PDE6B: variants seen among roughly 807,000 people sequenced by gnomAD.
The protein encoded by PDE6B is phosphodiesterase 6B.
PDE6B carries 106 observed loss-of-function variants against 109.0 expected under a neutral mutation model. The observed-to-expected ratio is 0.97, with a 90% confidence interval of 0.83 to 1.14. PDE6B has a LOEUF of 1.14. PDE6B is among the 50% of genes most tolerant of loss of function. PDE6B has a pLI of 0.00. For missense variants in PDE6B, 1,193 were observed against 1,155.6 expected (o/e 1.03, Z -0.47); for synonymous variants, 490 against 471.3 (o/e 1.04, Z -0.51).
chr4:629,334 C>T (rs1426492218), intron 1 of PDE6B, among the ~76,000 whole-genome samples: 1 of 152,240 alleles, frequency 6.6e-6, no homozygotes, highest in Non-Finnish European at 1.5e-5. Context: ...CAAGAGTTCA[C>T]AGCGAGGGCA....
At position 625,656 on chromosome 4, in the gene PDE6B, C is replaced by T. The variant is rs759139144; in HGVS notation, c.30C>T (p.Ser10=). 1 of 1,613,866 alleles carries T rather than the reference C, an allele frequency of 6.2e-7. No homozygotes were observed. Among genetic ancestry groups the T allele is most frequent in the South Asian group, 1.1e-5 (1 of 91,084 alleles). MSLSEEQAR[S]FLDQNPDFAR... is the part of the protein sequence containing the mutation. ...GCCTCAGTGAGGAGCAGGCCCGGAGCTTTCTGGACCAGAACCCCGATTTTG... is the reference window on the plus strand; with the variant it reads ...GCCTCAGTGAGGAGCAGGCCCGGAGTTTTCTGGACCAGAACCCCGATTTTG... Residue 10 remains serine, a synonymous_variant, in exon 1 of 22, where the codon AGC becomes AGT. Coordinates refer to ENST00000496514, the MANE Select transcript of PDE6B (RefSeq NM_000283.4). The surrounding 1 kb of genome is among the most constrained non-coding windows in gnomAD (Gnocchi z 5.0).
At chr4:635,281 C>A (rs1167181354) in intron 2 of PDE6B, among the ~76,000 whole-genome samples, 1 of 142,056 alleles carries the variant, frequency 7.0e-6, no homozygotes, top group Non-Finnish European at 1.5e-5. Context: ...GCGCGTCTGC[C>A]TCCCTGCCTG....
chr4:668,416 C>T (rs1217410858), intron 21 of PDE6B, among the ~76,000 whole-genome samples: 1 of 151,346 alleles, frequency 6.6e-6, no homozygotes, highest in African/African-American at 2.4e-5. Flanking sequence ...CTCCCAGTAT[C>T]CCATGCTATT....
chr4:646,485 A>T (rs902475493), intron 3 of PDE6B, among the ~76,000 whole-genome samples: 1 of 151,956 alleles, frequency 6.6e-6, no homozygotes, highest in African/African-American at 2.4e-5. Context: ...TGAGCATCCT[A>T]GACGCGCGGT....
chr4:662,371 C>A lies in PDE6B; in HGVS notation c.1722+130C>A. Reference sequence around the variant, plus strand: ...GATGGAGGAGGGCAACGCCCTCTGACACCGTGCACCGCGCACCCCAGCCCT... The same window carrying A: ...GATGGAGGAGGGCAACGCCCTCTGAAACCGTGCACCGCGCACCCCAGCCCT... On this transcript the variant is annotated intron_variant, in intron 13 of 21. Coordinates refer to ENST00000496514, the MANE Select transcript of PDE6B (RefSeq NM_000283.4). This position sits in a 1 kb window ranked among gnomAD's most constrained non-coding sequence, Gnocchi z 4.3. 1.2e-6 allele frequency: 1 copy of A among 813,752 alleles called. No individual in the cohort carries two copies. The highest frequency in any genetic ancestry group is 2.1e-6 in the Non-Finnish European group (1 of 475,988). The allele number at this position is 813,752 out of a possible 1,614,324, so 50.4% of individuals were successfully genotyped here. A position where few individuals can be genotyped will look rare whatever the true frequency, so the allele number is the denominator to read the frequency against.
In PDE6B at chr4:670,374, C is replaced by T. The variant is rs1309892593; in HGVS notation, c.*267C>T. ...TCTCGTGCCTCAGCCTCCTGAGTAG[C>T]TGGGACTACAGGCGCCCACCACCAC... is the stretch of plus-strand genomic sequence containing the variant. On this transcript the variant is annotated 3_prime_UTR_variant, in exon 22 of 22. Coordinates refer to ENST00000496514, the MANE Select transcript of PDE6B (RefSeq NM_000283.4). 1 of 405,666 alleles carries T rather than the reference C, an allele frequency of 2.5e-6. No homozygotes were observed. Among genetic ancestry groups the T allele is most frequent in the African/African-American group, 2.1e-5 (1 of 48,332 alleles). 25.1% of individuals were successfully genotyped at this position (405,666 alleles called of 1,614,324 possible).
chr4:667,038 G>A (rs1346402505), intron 20 of PDE6B, among the ~76,000 whole-genome samples: 1 of 152,202 alleles, frequency 6.6e-6, no homozygotes, highest in East Asian at 1.9e-4. Flanking sequence ...TGGTGCACCC[G>A]CCCACAGGGG....
In PDE6B at chr4:662,690, G is replaced by C. The variant is rs534415149; in HGVS notation, c.1832+72G>C. 1.0e-6 allele frequency: 1 copy of C among 966,218 alleles called. No homozygotes were observed. Among genetic ancestry groups the C allele is most frequent in the African/African-American group, 1.6e-5 (1 of 62,500 alleles). The allele number at this position is 966,218 out of a possible 1,614,324, so 59.9% of individuals were successfully genotyped here. On this transcript the variant is annotated intron_variant, in intron 14 of 21. Transcript: ENST00000496514. This position sits in a 1 kb window ranked among gnomAD's most constrained non-coding sequence, Gnocchi z 4.3. ...ACGCCCTTGGCGTGAATTAGGCTTC[G>C]CATAGCAGGCTATGTAGAAAGTGGA...
chr4:655,818 C>A, intron 6 of PDE6B, 122 bp from the exon 7 acceptor site: 1 of 757,214 alleles, frequency 1.3e-6, no homozygotes. Flanking sequence ...GACCCCTGCA[C>A]ACACACGTGC....
intron 21 of PDE6B, 130 bp downstream of exon 21, chr4:668,136 G>C (rs1211377317): frequency 1.1e-6 from 1 of 907,514 alleles, no homozygotes; most frequent in Non-Finnish European, 1.7e-6. Context: ...GAGGTGGACA[G>C]GGCCACAGTG....
At chr4:654,780 A>G in intron 5 of PDE6B, 44 bp from the exon 6 acceptor site, 1 of 1,005,946 alleles carries the variant, frequency 9.9e-7, no homozygotes, top group Non-Finnish European at 1.6e-6. Context: ...AGCCCCTCAG[A>G]GCTTGGCCAG....
rs575984392 is a variant in PDE6B at position 634,620 on chromosome 4, C to T, written c.469-57C>T. The T allele has an allele frequency of 3.4e-5, 48 of 1,421,502 alleles. No individual in the cohort carries two copies. In the African/African-American group the frequency reaches 3.9e-4, roughly 12 times the overall value. The allele number at this position is 1,421,502 out of a possible 1,614,324, so 88.1% of individuals were successfully genotyped here. ...GAGCTTGACGACAACCCCAGTGGTG[C>T]GGGCTCCAGGCCCACGGTGCGACAG... On this transcript the variant is annotated intron_variant, in intron 1 of 21. Transcript: ENST00000496514.
chr4:663,774 TG>T lies in PDE6B; in HGVS notation c.1926del (p.Asn643ThrfsTer6), dbSNP rs1425634192. ...FGKFLLSEET[L>X]NIYQNLNRRQ... ...CGCTGGGCATAACCTCCGCAGACCC[TG>T]AACATCTACCAGAACCTGAACCGGC... On this transcript the variant is annotated frameshift_variant, in exon 16 of 22. Transcript: ENST00000496514. LOFTEE classifies it high-confidence loss of function. The surrounding 1 kb of genome is among the most constrained non-coding windows in gnomAD (Gnocchi z 4.0). 2 of 1,611,654 alleles carry T rather than the reference TG, an allele frequency of 1.2e-6. No individual in the cohort carries two copies. Among genetic ancestry groups the T allele is most frequent in the Non-Finnish European group, 1.7e-6 (2 of 1,178,852 alleles).
At chr4:656,558 C>T (rs1206581423) in intron 8 of PDE6B, among the ~76,000 whole-genome samples, 1 of 151,656 alleles carries the variant, frequency 6.6e-6, no homozygotes, top group East Asian at 1.9e-4. Flanking sequence ...CCCACACACC[C>T]CTGCGAGGCC....
At chr4:646,343 G>A (rs1735198918) in intron 3 of PDE6B, among the ~76,000 whole-genome samples, 1 of 151,760 alleles carries the variant, frequency 6.6e-6, no homozygotes, top group African/African-American at 2.4e-5. Context: ...TGTTTCCAAC[G>A]TCTCGTTCCA....
chr4:637,410 G>A (rs1014871307), intron 3 of PDE6B, among the ~76,000 whole-genome samples: 7 of 151,980 alleles, frequency 4.6e-5, no homozygotes, highest in South Asian at 4.2e-4. Context: ...TAGTAGAGAC[G>A]GGGTTTCACC....
intron 8 of PDE6B, 37 bp from the exon 9 acceptor site, chr4:656,837 T>C: frequency 6.2e-7 from 1 of 1,610,586 alleles, no homozygotes; most frequent in Non-Finnish European, 8.5e-7. Flanking sequence ...AGGGCCAGCC[T>C]CAGGGCGGAG....
At chr4:653,712 G>A (rs905219290) in intron 3 of PDE6B, 140 bp from the exon 4 acceptor site, 12 of 966,726 alleles carry the variant, frequency 1.2e-5, no homozygotes, top group Non-Finnish European at 1.9e-5. Context: ...ATCAGGGTCT[G>A]TGCCAGGCTC....
At position 658,827 on chromosome 4, in the gene PDE6B, T is replaced by C. The variant is rs1037595485; in HGVS notation, c.1402-125T>C. On this transcript the variant is annotated intron_variant, in intron 10 of 21. Transcript: ENST00000496514. ...CTCCAGATCAGAGGCCGCCAGGGCC[T>C]TCCCAGGGTGAAAGCACAAGCTCTT... The C allele has an allele frequency of 5.3e-5, 39 of 742,662 alleles. No homozygotes were observed. In the Admixed American group the frequency reaches 7.6e-4, roughly 14 times the overall value. The allele number at this position is 742,662 out of a possible 1,614,324, so 46.0% of individuals were successfully genotyped here.
Sources: allele counts gnomAD v4.1 joint callset (sites outside exome capture counted in the v4.1 genomes callset), GRCh38; gene constraint gnomAD v4.1.1; non-coding constraint Gnocchi (gnomAD v3.1); transcripts MANE v1.5; gene names NCBI Gene and HGNC (gene_info 2026-07-23, HGNC 2026-07-21).